The following LRP1B variants were observed in gnomAD, a reference collection of about 807,000 sequenced individuals.
LRP1B encodes low-density lipoprotein receptor-related protein 1B.
LRP1B carries 217 observed loss-of-function variants against 556.6 expected under a neutral mutation model. The observed-to-expected ratio is 0.39, with a 90% CI of 0.35 to 0.44. The LOEUF (loss-of-function observed/expected upper bound fraction) is 0.44, where lower values mean the gene tolerates loss of function less well. Ranked by LOEUF, LRP1B falls within the 20% of genes least tolerant of loss-of-function variation. The probability of loss-of-function intolerance (pLI) is 1.00; values close to 1 mark genes in which losing one functional copy is unlikely to be tolerated. For synonymous variants in LRP1B, 2,047 were observed against 1,865.8 expected, an observed-to-expected ratio of 1.10 and a Z score of -2.50; for missense variants, 5,053 against 5,620.8, an observed-to-expected ratio of 0.90 and a Z score of 3.23.
chr2:141,296,277 T>A (rs1395139088), intron 3 of LRP1B, among the ~76,000 whole-genome samples: 1 of 152,214 alleles, frequency 6.6e-6, no homozygotes, highest in Admixed American at 6.5e-5. Context: ...ATGCATTCAG[T>A]ATTTAAATAA....
chr2:141,925,460 C>CAA (rs1446208275), intron 1 of LRP1B, among the ~76,000 whole-genome samples: 2 of 152,124 alleles, frequency 1.3e-5, no homozygotes, highest in Admixed American at 1.3e-4. Context: ...TATCTGACTC[C>CAA]AACAAAACAC....
chr2:141,064,776 T>C (rs1699434048), intron 7 of LRP1B, among the ~76,000 whole-genome samples: 1 of 151,962 alleles, frequency 6.6e-6, no homozygotes, highest in Non-Finnish European at 1.5e-5. Context: ...AGGGCATTCT[T>C]TAGTGGAGGC....
intron 2 of LRP1B, among the ~76,000 whole-genome samples, chr2:141,729,811 G>T (rs903510542): frequency 2.6e-5 from 4 of 152,016 alleles, no homozygotes; most frequent in African/African-American, 9.7e-5. Flanking sequence ...ACTGTAGGTG[G>T]AGTAAAACAG....
chr2:140,306,906 C>T (rs1271866283), intron 83 of LRP1B, among the ~76,000 whole-genome samples: 6 of 151,874 alleles, frequency 4.0e-5, no homozygotes, highest in East Asian at 1.9e-4. Flanking sequence ...GCTTTCATTT[C>T]GTTATGTACC....
At chr2:140,512,682 T>C (rs776216068) in intron 51 of LRP1B, among the ~76,000 whole-genome samples, 3 of 152,140 alleles carry the variant, frequency 2.0e-5, no homozygotes, top group Non-Finnish European at 4.4e-5. Context: ...GGACCCTTAA[T>C]ATTCCAAATC....
chr2:141,220,338 C>G (rs192693319), intron 6 of LRP1B, among the ~76,000 whole-genome samples: 1 of 151,828 alleles, frequency 6.6e-6, no homozygotes, highest in Non-Finnish European at 1.5e-5. Flanking sequence ...AGCATGAAGA[C>G]TATATTGATG....
chr2:141,305,156 T>C (rs544992231), intron 3 of LRP1B, among the ~76,000 whole-genome samples: 2 of 152,308 alleles, frequency 1.3e-5, no homozygotes, highest in Admixed American at 6.5e-5. Flanking sequence ...TTACAATGAA[T>C]CTGTAGACTG....
At chr2:140,383,621 T>C (rs2105194162) in intron 67 of LRP1B, among the ~76,000 whole-genome samples, 1 of 152,248 alleles carries the variant, frequency 6.6e-6, no homozygotes, top group African/African-American at 2.4e-5. Flanking sequence ...CATGTTAATA[T>C]ACTTTGATAT....
intron 3 of LRP1B, among the ~76,000 whole-genome samples, chr2:141,297,837 T>C (rs760526555): frequency 9.2e-5 from 14 of 152,208 alleles, no homozygotes; most frequent in Non-Finnish European, 1.8e-4. Flanking sequence ...CACTTACCAT[T>C]GTGTTACAAT....
chr2:140,443,087 G>A (rs755864035), intron 65 of LRP1B, among the ~76,000 whole-genome samples: 4 of 152,144 alleles, frequency 2.6e-5, no homozygotes, highest in Non-Finnish European at 4.4e-5. Flanking sequence ...TATACGTGGA[G>A]TCTTGCTCTG....
chr2:141,999,178 C>G lies in LRP1B; in HGVS notation c.82+131470G>C, dbSNP rs1702587399. 2.0e-5 allele frequency among the ~76,000 whole-genome samples: 3 copies of G among 152,046 alleles called. No homozygotes were observed. The East Asian group carries it at 5.8e-4, about 29-fold the overall frequency. On this transcript the variant is annotated intron_variant, in intron 1 of 90. Coordinates refer to ENST00000389484, the MANE Select transcript of LRP1B (RefSeq NM_018557.3). The stretch of plus-strand genomic sequence containing the variant: ...TCAGTCTTTAGATCTCCGTTTTAAT[C>G]TAAATTCTGGTCAGCTGTGGCTGAA...
intron 3 of LRP1B, among the ~76,000 whole-genome samples, chr2:141,430,240 G>A (rs1383395244): frequency 6.6e-6 from 1 of 152,128 alleles, no homozygotes; most frequent in African/African-American, 2.4e-5. Flanking sequence ...CCTAGAGCTT[G>A]TTAAGCAAAG....
At chr2:141,534,743 C>G (rs1423678063) in intron 2 of LRP1B, among the ~76,000 whole-genome samples, 1 of 152,162 alleles carries the variant, frequency 6.6e-6, no homozygotes, top group Admixed American at 6.6e-5. Context: ...AAACTAAAAA[C>G]AGAAGAGGAA....
At chr2:141,884,574 A>G (rs1349675140) in intron 1 of LRP1B, among the ~76,000 whole-genome samples, 1 of 152,162 alleles carries the variant, frequency 6.6e-6, no homozygotes, top group Non-Finnish European at 1.5e-5. Context: ...CCTGCCATAC[A>G]TTATATTAGA....
intron 2 of LRP1B, among the ~76,000 whole-genome samples, chr2:141,733,261 T>C (rs1014564004): frequency 9.2e-5 from 14 of 152,164 alleles, no homozygotes; most frequent in African/African-American, 3.1e-4. Context: ...AGGTTCCAGT[T>C]GCCTGAATTA....
chr2:141,626,760 A>G (rs1248535991), intron 2 of LRP1B, among the ~76,000 whole-genome samples: 1 of 152,218 alleles, frequency 6.6e-6, no homozygotes, highest in Non-Finnish European at 1.5e-5. Context: ...GCTACTAAAC[A>G]TCTATTAGAA....
intron 18 of LRP1B, among the ~76,000 whole-genome samples, chr2:140,971,795 C>T (rs1041121615): frequency 1.3e-5 from 2 of 152,196 alleles, no homozygotes; most frequent in Non-Finnish European, 2.9e-5. Context: ...GATGGCGCCA[C>T]TGCGCTCTAG....
chr2:141,845,383 A>G (rs950622322), intron 1 of LRP1B, among the ~76,000 whole-genome samples: 2 of 151,994 alleles, frequency 1.3e-5, no homozygotes, highest in African/African-American at 4.8e-5. Context: ...TGGTTTTTGG[A>G]AATATCAAAT....
chr2:141,460,590 G>A (rs1681829324), intron 3 of LRP1B, among the ~76,000 whole-genome samples: 1 of 152,072 alleles, frequency 6.6e-6, no homozygotes, highest in African/African-American at 2.4e-5. Context: ...GTTTTTAAAG[G>A]ACTACTTGGA....
Sources: allele counts gnomAD v4.1 joint callset (sites outside exome capture counted in the v4.1 genomes callset), GRCh38; gene constraint gnomAD v4.1.1; transcripts MANE v1.5; gene names NCBI Gene and HGNC (gene_info 2026-07-23, HGNC 2026-07-21).